The following POLE variants were observed in gnomAD, a reference collection of about 807,000 sequenced individuals.
POLE encodes the protein DNA polymerase epsilon, catalytic subunit.
A neutral mutation model predicts 279.2 loss-of-function variants in POLE; 188 were observed. That is an observed-to-expected ratio of 0.67 (90% confidence interval 0.60 to 0.76). The LOEUF (loss-of-function observed/expected upper bound fraction) is 0.76, where lower values mean the gene tolerates loss of function less well. Ranked by LOEUF, POLE falls within the 30% of genes least tolerant of loss-of-function variation. The pLI is 0.00. For missense variants in POLE, 2,703 were observed against 3,016.7 expected, an observed-to-expected ratio of 0.90 and a Z score of 2.44; for synonymous variants, 1,214 against 1,172.5, an observed-to-expected ratio of 1.04 and a Z score of -0.72.
chr12:132,635,942 T>G lies in POLE; in HGVS notation c.5761A>C (p.Asn1921His). The G allele has an allele frequency of 6.2e-7, 1 of 1,613,970 alleles. No individual in the cohort carries two copies. ...WEFLLWMDPS[N>H]YGGIKGKVSS... ...ACTTTTCCTTTGATTCCGCCATAGTTAGATGGATCCATCCAGAGAAGAAAT... is the reference window on the plus strand; with the variant it reads ...ACTTTTCCTTTGATTCCGCCATAGTGAGATGGATCCATCCAGAGAAGAAAT... The change falls in exon 42 of 49, where the codon AAC (asparagine) becomes CAC (histidine). Residue 1921 changes from asparagine to histidine, a missense_variant. Asn to His is a moderately conservative substitution (Grantham distance 68). Coordinates refer to ENST00000320574, the MANE Select transcript of POLE (RefSeq NM_006231.4).
At position 132,641,759 on chromosome 12, in the gene POLE, TC is replaced by T. The variant is rs1555222342; in HGVS notation, c.5265del (p.Ile1756SerfsTer5). 5.0e-6 allele frequency: 8 copies of T among 1,611,238 alleles called. No individual in the cohort carries two copies. The highest frequency in any genetic ancestry group is 5.9e-6 in the Non-Finnish European group (7 of 1,179,970). ...GCCTGCTGGATCACGTCGAAGCTGA[TC>T]CCCATGCTGTCGGCCCCCTCCATGT... ...VNDMEGADSM[G>X]ISFDVIQQAS... On this transcript the variant is annotated frameshift_variant, in exon 39 of 49. Coordinates refer to ENST00000320574, the MANE Select transcript of POLE (RefSeq NM_006231.4). LOFTEE classifies it high-confidence loss of function.
intron 29 of POLE, among the ~76,000 whole-genome samples, chr12:132,656,132 T>C (rs373862171): frequency 8.3e-4 from 124 of 149,002 alleles, no homozygotes; most frequent in African/African-American, 2.9e-3. Context: ...CATGGTGGTG[T>C]GTGCCTATAA....
At chr12:132,662,995 G>T (rs1021978330) in intron 23 of POLE, among the ~76,000 whole-genome samples, 1 of 152,180 alleles carries the variant, frequency 6.6e-6, no homozygotes, top group African/African-American at 2.4e-5. Context: ...ACAGACAATC[G>T]CCAGAGAAAA....
At chr12:132,658,663 A>G (rs2042604292) in intron 26 of POLE, 1 of 154,122 alleles carries the variant, frequency 6.5e-6, no homozygotes, top group Non-Finnish European at 1.4e-5. Flanking sequence ...AATACTGCAA[A>G]CATAAGGAGA....
intron 5 of POLE, 54 bp downstream of exon 5, chr12:132,679,900 G>A: frequency 7.6e-6 from 10 of 1,316,566 alleles, no homozygotes; most frequent in Non-Finnish European, 1.1e-5. Context: ...CACCTGCCAG[G>A]AACAATGTAG....
rs773908359 is a variant in POLE, at chr12:132,632,464, G to C, written c.6181C>G (p.Gln2061Glu). 3.1e-6 allele frequency: 5 copies of C among 1,614,072 alleles called. No homozygotes were observed. Among genetic ancestry groups the C allele is most frequent in the South Asian group, 2.2e-5 (2 of 91,076 alleles). Reference sequence around the variant, plus strand: ...TTCTGAGTGATGGTGAAGAAGCTCTGAGTGAGCTCATTTGCGACATAATCC... The same window carrying C: ...TTCTGAGTGATGGTGAAGAAGCTCTCAGTGAGCTCATTTGCGACATAATCC... ...SQDYVANELTQSFFTITQKIQ... is the reference protein window; with the variant it reads ...SQDYVANELTESFFTITQKIQ... The change falls in exon 45 of 49, where the codon CAG becomes GAG. Residue 2061 changes from glutamine to glutamate, a missense_variant. Gln to Glu is a conservative substitution (Grantham distance 29). Transcript: ENST00000320574.
rs569035099 is a variant in POLE at position 132,659,288 on chromosome 12, C to T, written c.3275+7G>A. 2 of 1,613,214 alleles carry T rather than the reference C, an allele frequency of 1.2e-6. No individual in the cohort carries two copies. Among genetic ancestry groups the T allele is most frequent in the African/African-American group, 2.7e-5 (2 of 75,040 alleles). ...CCTCACCTCTCCGTGATGGGGGGAG[C>T]CCTCACCTCTCCGTGACAGGGGAGC... is the stretch of plus-strand genomic sequence containing the variant. On this transcript the variant is annotated splice_region_variant and intron_variant, in intron 26 of 48. Transcript: ENST00000320574.
rs2138422647 is a variant in POLE at position 132,624,890 on chromosome 12, T to A, written c.6747+15A>T. ...GGAGGCCAGGCTGAGCCGAGGCAGA[T>A]GAGGGAGAGCCCACCTGGGTGTGGA... On this transcript the variant is annotated intron_variant, in intron 48 of 48. Coordinates refer to ENST00000320574, the MANE Select transcript of POLE (RefSeq NM_006231.4). The A allele has an allele frequency of 1.9e-6, 3 of 1,611,992 alleles. No individual in the cohort carries two copies. Among genetic ancestry groups the A allele is most frequent in the African/African-American group, 1.3e-5 (1 of 75,006 alleles).
At chr12:132,683,071 T>C (rs940479223) in intron 1 of POLE, among the ~76,000 whole-genome samples, 4 of 152,126 alleles carry the variant, frequency 2.6e-5, no homozygotes, top group Non-Finnish European at 5.9e-5. Flanking sequence ...ATTCCAAGAC[T>C]AGGATCCTTA....
At chr12:132,632,557 T>G in intron 44 of POLE, 49 bp from the exon 45 acceptor site, 1 of 1,606,462 alleles carries the variant, frequency 6.2e-7, no homozygotes, top group South Asian at 1.1e-5. Context: ...TGTCTGGCAC[T>G]GGGGACCTCC....
intron 20 of POLE, among the ~76,000 whole-genome samples, chr12:132,667,174 G>T (rs545117082): frequency 5.3e-4 from 81 of 152,282 alleles, no homozygotes; most frequent in African/African-American, 1.9e-3. Context: ...ATGACAGCGG[G>T]AAAGAGATAA....
intron 2 of POLE, 88 bp downstream of exon 2, chr12:132,681,050 T>C: frequency 6.8e-7 from 1 of 1,474,172 alleles, no homozygotes; most frequent in Non-Finnish European, 9.3e-7. Flanking sequence ...AGTTCCCTCA[T>C]GTGTCCCCCA....
At chr12:132,657,068 G>C in intron 29 of POLE, 68 bp downstream of exon 29, 1 of 1,539,086 alleles carries the variant, frequency 6.5e-7, no homozygotes, top group Non-Finnish European at 8.9e-7. Context: ...ACACAGCAGC[G>C]CAAGAAGCCT....
intron 39 of POLE, chr12:132,641,248 C>G (rs544245281): frequency 2.7e-6 from 1 of 371,214 alleles, no homozygotes; most frequent in African/African-American, 2.1e-5. Context: ...AGACTGATGG[C>G]TCCTGACCCT....
Position 132,681,051 on chromosome 12 carries a change from G to C in POLE, c.204+87C>G, listed in dbSNP as rs2136032602. 2.0e-6 allele frequency: 3 copies of C among 1,474,694 alleles called. No individual in the cohort carries two copies. In the South Asian group the frequency reaches 3.7e-5, roughly 18 times the overall value. 91.4% of individuals were successfully genotyped at this position (1,474,694 alleles called of 1,614,324 possible). On this transcript the variant is annotated intron_variant, in intron 2 of 48. Coordinates refer to ENST00000320574, the MANE Select transcript of POLE (RefSeq NM_006231.4). ...CCTGATTCACTCAAAGTTCCCTCAT[G>C]TGTCCCCCACTCTTTAGATAAGGAC...
In POLE at chr12:132,649,712, T is replaced by C; in HGVS notation, c.3760A>G (p.Ile1254Val). ...DLTPTVPWQE[I>V]LGQPPALGTS... ...CCCAGGGCGGGAGGCTGCCCCAAGA[T>C]TTCCTGCCAGGGCACAGTCGGCGTG... Residue 1254 changes from isoleucine to valine, a missense_variant, in exon 30 of 49, where the codon ATC (isoleucine) becomes GTC (valine). Ile to Val is a conservative substitution (Grantham distance 29). This residue lies in a region of POLE where 1,551 missense variants were observed against 1,686.1 expected (regional missense o/e 0.92). Transcript: ENST00000320574. The C allele has an allele frequency of 6.2e-7, 1 of 1,614,106 alleles. No homozygotes were observed. The highest frequency in any genetic ancestry group is 8.5e-7 in the Non-Finnish European group (1 of 1,180,022).
chr12:132,659,557 T>A (rs2138680011), intron 25 of POLE, 48 bp from the exon 26 acceptor site: 1 of 1,521,164 alleles, frequency 6.6e-7, no homozygotes, highest in Non-Finnish European at 9.1e-7. Context: ...AGGGGCAGAG[T>A]CTGAGCTCAC....
intron 2 of POLE, 67 bp downstream of exon 2, chr12:132,681,070 TA>T (rs2136032778): frequency 1.3e-6 from 2 of 1,571,670 alleles, no homozygotes; most frequent in Non-Finnish European, 8.7e-7. Context: ...ACTCTTTAGA[TA>T]AGGACCACGC....
At chr12:132,640,088 C>T (rs1432473806) in intron 39 of POLE, among the ~76,000 whole-genome samples, 8 of 152,208 alleles carry the variant, frequency 5.3e-5, no homozygotes, top group Non-Finnish European at 1.2e-4. Flanking sequence ...CTTCCCGCCA[C>T]TTCCTTTAAA....
Sources: allele counts gnomAD v4.1 joint callset (sites outside exome capture counted in the v4.1 genomes callset), GRCh38; gene constraint gnomAD v4.1.1; regional missense constraint gnomAD v4.1.1; transcripts MANE v1.5; gene names NCBI Gene and HGNC (gene_info 2026-07-23, HGNC 2026-07-21).